The following CAMSAP1 variants were observed in gnomAD, a reference collection of about 807,000 sequenced individuals.
CAMSAP1 encodes the protein calmodulin-regulated spectrin-associated protein 1.
A neutral mutation model predicts 143.5 loss-of-function variants in CAMSAP1; 58 were observed. That is an observed-to-expected ratio of 0.40 (90% confidence interval 0.33 to 0.50). The LOEUF (loss-of-function observed/expected upper bound fraction) is 0.50, where lower values mean the gene tolerates loss of function less well. CAMSAP1 is among the 20% of genes least tolerant of loss of function. The pLI, the probability that CAMSAP1 is intolerant of heterozygous loss-of-function variation, is 0.45. For synonymous variants in CAMSAP1, 945 were observed against 859.3 expected (o/e 1.10, Z -1.74); for missense variants, 1,969 against 2,115.7 (o/e 0.93, Z 1.36).
At chr9:135,868,616 T>TA (rs1167929130) in intron 3 of CAMSAP1, among the ~76,000 whole-genome samples, 1 of 137,676 alleles carries the variant, frequency 7.3e-6, no homozygotes, top group Non-Finnish European at 1.6e-5. Flanking sequence ...GCAATTTTTT[T>TA]TTTTTTTTTT....
chr9:135,897,255 C>T (rs1485338160), intron 1 of CAMSAP1, among the ~76,000 whole-genome samples: 1 of 152,030 alleles, frequency 6.6e-6, no homozygotes, highest in African/African-American at 2.4e-5. Flanking sequence ...CCAACTCAAA[C>T]GATCCTCCCA....
chr9:135,818,470 C>T lies in CAMSAP1; in HGVS notation c.4106G>A (p.Arg1369Gln). 1 of 1,606,406 alleles carries T rather than the reference C, an allele frequency of 6.2e-7. No individual in the cohort carries two copies. The highest frequency in any genetic ancestry group is 8.5e-7 in the Non-Finnish European group (1 of 1,178,808). ...GKPKSKPKKPRPKSVHREESC... is the reference protein window; with the variant it reads ...GKPKSKPKKPQPKSVHREESC... ...CTCTTCCCGGTGCACCGACTTCGGC[C>T]GCGGCTTCTTCGGCTTTGACTTGGG... The change falls in exon 13 of 17, where the codon CGG becomes CAG. Residue 1369 changes from arginine to glutamine, a missense_variant. Transcript: ENST00000389532. This position sits in a 1 kb window ranked among gnomAD's most constrained non-coding sequence, Gnocchi z 7.7.
At chr9:135,831,863 T>C (rs1835871894) in intron 7 of CAMSAP1, among the ~76,000 whole-genome samples, 1 of 151,982 alleles carries the variant, frequency 6.6e-6, no homozygotes, top group Admixed American at 6.6e-5. Context: ...TGGATAAATC[T>C]CTAGAAATAT....
At chr9:135,865,451 C>G in intron 4 of CAMSAP1, 1 of 1,361,230 alleles carries the variant, frequency 7.3e-7, no homozygotes, top group Non-Finnish European at 1.0e-6. Flanking sequence ...CACTTCCCCA[C>G]GGCGTTTACA....
chr9:135,833,363 G>A (rs1219681600), intron 7 of CAMSAP1, among the ~76,000 whole-genome samples: 3 of 152,128 alleles, frequency 2.0e-5, no homozygotes, highest in African/African-American at 4.8e-5. Context: ...TTACAGGCGT[G>A]AGCCACCGCG....
intron 3 of CAMSAP1, among the ~76,000 whole-genome samples, chr9:135,869,985 GGATACAGAGTAGACTGCTAGTTGCCA>G (rs1837516274): frequency 1.3e-5 from 2 of 152,198 alleles, no homozygotes; most frequent in African/African-American, 2.4e-5. Context: ...GCAAACCCAT[GGATACAGAGTAGACTGCTAGTTGCCA>G]GGGGCTGAGG....
At chr9:135,837,733 A>G (rs1018968790) in intron 7 of CAMSAP1, among the ~76,000 whole-genome samples, 1 of 136,718 alleles carries the variant, frequency 7.3e-6, no homozygotes, top group Non-Finnish European at 1.5e-5. Flanking sequence ...ACACATCATC[A>G]TGCACTTTCT....
At chr9:135,890,462 C>T (rs980808082) in intron 1 of CAMSAP1, among the ~76,000 whole-genome samples, 5 of 152,116 alleles carry the variant, frequency 3.3e-5, no homozygotes, top group East Asian at 1.9e-4. Context: ...AGGAGCTGTC[C>T]GTGCCAGGAG....
intron 3 of CAMSAP1, among the ~76,000 whole-genome samples, chr9:135,878,279 A>G (rs1837818881): frequency 6.6e-6 from 1 of 152,174 alleles, no homozygotes; most frequent in Non-Finnish European, 1.5e-5. Context: ...GCAACCATGC[A>G]GGCAGGGGCA....
Position 135,818,156 on chromosome 9 carries a change from C to A in CAMSAP1, c.4169-77G>T. The stretch of plus-strand genomic sequence containing the variant: ...GTACCTGTCCCCTGTACCTGTTCCC[C>A]TCACCTCGCCCTGCAGAGCTCGGCC... On this transcript the variant is annotated intron_variant, in intron 13 of 16. Transcript: ENST00000389532. This position sits in a 1 kb window ranked among gnomAD's most constrained non-coding sequence, Gnocchi z 7.7. The A allele has an allele frequency of 6.9e-7, 1 of 1,448,078 alleles. No homozygotes were observed. The highest frequency in any genetic ancestry group is 2.4e-5 in the East Asian group (1 of 42,028). 89.7% of individuals were successfully genotyped at this position (1,448,078 alleles called of 1,614,324 possible).
rs59978082 is a variant in CAMSAP1, at chr9:135,892,848, C to CAAAAAA, written c.161-9776_161-9771dup. On this transcript the variant is annotated intron_variant, in intron 1 of 16. Transcript: ENST00000389532. ...CCTGGGCAACAGAGCAAGACTGTCT[C>CAAAAAA]AAAAAAAAAAAAAAAAAAAGAACTA... Among the ~76,000 whole-genome samples, 136 of 41,970 alleles carry CAAAAAA rather than the reference C, an allele frequency of 3.2e-3. 10 individuals are homozygous for CAAAAAA. The highest frequency in any genetic ancestry group is 0.01 in the South Asian group (10 of 986). The allele number at this position is 41,970 out of a possible 152,430, so 27.5% of individuals were successfully genotyped here.
At chr9:135,868,053 A>C in intron 3 of CAMSAP1, among the ~76,000 whole-genome samples, 1 of 152,264 alleles carries the variant, frequency 6.6e-6, no homozygotes, top group Middle Eastern at 3.2e-3. Flanking sequence ...TTCACCTGAA[A>C]GAAAATTCAG....
intron 1 of CAMSAP1, among the ~76,000 whole-genome samples, chr9:135,887,485 A>G (rs1838161736): frequency 6.6e-6 from 1 of 152,182 alleles, no homozygotes; most frequent in Non-Finnish European, 1.5e-5. Context: ...GTCTGCTTTA[A>G]GGATTGGAGA....
chr9:135,889,129 C>T (rs141451039), intron 1 of CAMSAP1, among the ~76,000 whole-genome samples: 8 of 152,332 alleles, frequency 5.3e-5, no homozygotes, highest in East Asian at 3.9e-4. Context: ...AGCAGCCACT[C>T]TGAGGGCCAC....
At position 135,822,777 on chromosome 9, in the gene CAMSAP1, G is replaced by C. The variant is rs199551007; in HGVS notation, c.1884C>G (p.Pro628=). ...GRPRSIVSRR[P]SEGPQPLVRR... ...GTACCAAAGGCTGGGGGCCCTCGCT[G>C]GGCCTCCTAGACACGATGCTCCTCG... Residue 628 remains proline (P), a synonymous_variant, in exon 11 of 17, where the codon CCC becomes CCG. Transcript: ENST00000389532. This position sits in a 1 kb window ranked among gnomAD's most constrained non-coding sequence, Gnocchi z 6.1. The C allele has an allele frequency of 6.2e-7, 1 of 1,613,870 alleles. No individual in the cohort carries two copies.
intron 3 of CAMSAP1, among the ~76,000 whole-genome samples, chr9:135,873,938 A>T (rs924774154): frequency 6.6e-6 from 1 of 152,196 alleles, no homozygotes; most frequent in East Asian, 1.9e-4. Flanking sequence ...AGAGACCAGT[A>T]TCTGCCGAGA....
Position 135,836,058 on chromosome 9 carries a change from C to T in CAMSAP1, c.1046-8474G>A, listed in dbSNP as rs112550884. 3.1e-3 allele frequency: 2,932 copies of T among 953,152 alleles called. 75 individuals are homozygous for T. In the African/African-American group the frequency reaches 0.047, roughly 15 times the overall value. The allele number at this position is 953,152 out of a possible 1,614,324, so 59.0% of individuals were successfully genotyped here. On this transcript the variant is annotated intron_variant, in intron 7 of 16. Transcript: ENST00000389532. ...GACTCAAAAAACAGCTTTTTCAGAGCTTCTCTTATCCGACCAGGGGCAGAA... is the reference window on the plus strand; with the variant it reads ...GACTCAAAAAACAGCTTTTTCAGAGTTTCTCTTATCCGACCAGGGGCAGAA...
intron 2 of CAMSAP1, among the ~76,000 whole-genome samples, 175 bp from the exon 3 acceptor site, chr9:135,881,969 G>A (rs1427709451): frequency 6.6e-6 from 1 of 152,166 alleles, no homozygotes; most frequent in Admixed American, 6.5e-5. Flanking sequence ...ACTGTTCCAA[G>A]CCTGGCATTT....
intron 1 of CAMSAP1, among the ~76,000 whole-genome samples, chr9:135,902,807 C>G (rs1263725294): frequency 6.6e-6 from 1 of 152,184 alleles, no homozygotes; most frequent in Non-Finnish European, 1.5e-5. Flanking sequence ...CAACAGTGTG[C>G]CTCTGGGCAG....
Sources: allele counts gnomAD v4.1 joint callset (sites outside exome capture counted in the v4.1 genomes callset), GRCh38; gene constraint gnomAD v4.1.1; non-coding constraint Gnocchi (gnomAD v3.1); transcripts MANE v1.5; gene names NCBI Gene and HGNC (gene_info 2026-07-23, HGNC 2026-07-21).